Variants in TEC observed in about 807,000 individuals in gnomAD.
The protein encoded by TEC is tyrosine-protein kinase Tec.
TEC carries 72 observed loss-of-function variants against 93.0 expected under a neutral mutation model. The ratio of observed to expected loss-of-function variants is 0.77; its 90% CI spans 0.64 to 0.94. The LOEUF (loss-of-function observed/expected upper bound fraction) is 0.94. Among genes scored for constraint, TEC ranks in the 40% least tolerant of loss-of-function variants. The pLI is 0.00. For synonymous variants in TEC, 249 were observed against 247.7 expected (o/e 1.01, Z -0.05); for missense variants, 630 against 757.9 (o/e 0.83, Z 1.98).
intron 1 of TEC, among the ~76,000 whole-genome samples, chr4:48,240,154 A>G (rs1286327484): frequency 6.6e-6 from 1 of 152,156 alleles, no homozygotes; most frequent in African/African-American, 2.4e-5. Context: ...TGAGTTGATA[A>G]CTATTGAAGT....
chr4:48,221,482 C>A (rs1334180428), intron 2 of TEC, among the ~76,000 whole-genome samples: 1 of 152,176 alleles, frequency 6.6e-6, no homozygotes, highest in East Asian at 1.9e-4. Flanking sequence ...GAGGCCTCCC[C>A]AGCTATGCTG....
intron 9 of TEC, among the ~76,000 whole-genome samples, chr4:48,152,748 CAG>C (rs949804859): frequency 2.0e-5 from 3 of 152,088 alleles, no homozygotes; most frequent in African/African-American, 7.2e-5. Context: ...GTAGGGTCTC[CAG>C]AGAGTCATGG....
intron 1 of TEC, among the ~76,000 whole-genome samples, chr4:48,262,214 T>TTTTTTTTTTTTTTTA (rs1457544109): frequency 3.4e-5 from 5 of 145,086 alleles, no homozygotes; most frequent in South Asian, 2.3e-4. Context: ...TTTTTTTTTT[T>TTTTTTTTTTTTTTTA]GAGACGGAGT....
Position 48,170,497 on chromosome 4 carries a change from T to C in TEC, c.326-121A>G, listed in dbSNP as rs1721056100. On this transcript the variant is annotated intron_variant, in intron 4 of 17. Coordinates refer to ENST00000381501, the MANE Select transcript of TEC (RefSeq NM_003215.3). ...CACTATGTTTACTATAAGAACGCCC[T>C]TAGATCACAGGACTCAGCATTCAGA... The C allele has an allele frequency of 2.7e-5, 18 of 659,408 alleles. No homozygotes were observed. The South Asian group carries it at 4.9e-4, about 18-fold the overall frequency. 40.8% of individuals were successfully genotyped at this position (659,408 alleles called of 1,614,324 possible).
chr4:48,183,878 C>G (rs1434373623), intron 2 of TEC, among the ~76,000 whole-genome samples: 3 of 152,124 alleles, frequency 2.0e-5, no homozygotes, highest in African/African-American at 7.2e-5. Context: ...TCAGTTTTCA[C>G]AGTAACCCTA....
chr4:48,179,362 ATATATATATATATATTTTTTT>A (rs1395135561), intron 2 of TEC, among the ~76,000 whole-genome samples: 4 of 39,444 alleles, frequency 1.0e-4, no homozygotes, highest in South Asian at 1.4e-3. Context: ...ATATATATAT[ATATATATATATATATTTTTTT>A]TTTTTTTTTT....
At chr4:48,206,823 G>C (rs1040160712) in intron 2 of TEC, among the ~76,000 whole-genome samples, 3 of 151,578 alleles carry the variant, frequency 2.0e-5, no homozygotes, top group African/African-American at 7.3e-5. Context: ...GTTGGGCACG[G>C]TGATATGCAC....
intron 1 of TEC, among the ~76,000 whole-genome samples, chr4:48,262,583 T>A (rs1353671146): frequency 6.6e-6 from 1 of 152,146 alleles, no homozygotes; most frequent in Non-Finnish European, 1.5e-5. Context: ...GGTACTATGC[T>A]TTCCCTAGGA....
intron 8 of TEC, among the ~76,000 whole-genome samples, chr4:48,160,072 TA>T (rs1720565289): frequency 1.3e-5 from 2 of 152,216 alleles, no homozygotes; most frequent in Admixed American, 6.5e-5. Context: ...TTACATTTAT[TA>T]CCTCATTTCA....
intron 1 of TEC, among the ~76,000 whole-genome samples, chr4:48,258,359 C>G (rs1001492795): frequency 3.9e-5 from 6 of 152,118 alleles, no homozygotes; most frequent in Non-Finnish European, 2.9e-5. Flanking sequence ...CCAGGCTGGT[C>G]TCAAACTCCT....
At chr4:48,152,928 T>G (rs748806230) in intron 9 of TEC, among the ~76,000 whole-genome samples, 2 of 152,268 alleles carry the variant, frequency 1.3e-5, no homozygotes, top group East Asian at 3.9e-4. Context: ...AATAACTAAA[T>G]AGAATACTAA....
chr4:48,242,612 A>G (rs1723948194), intron 1 of TEC, among the ~76,000 whole-genome samples: 1 of 152,248 alleles, frequency 6.6e-6, no homozygotes. Flanking sequence ...TCTTGGAATC[A>G]TAAGTTAACA....
chr4:48,145,053 G>A, intron 14 of TEC, 26 bp downstream of exon 14: 1 of 1,605,844 alleles, frequency 6.2e-7, no homozygotes, highest in Non-Finnish European at 8.5e-7. Flanking sequence ...CAGCCAATGA[G>A]TGGGAATATG....
At chr4:48,153,322 G>A (rs145673421) in intron 9 of TEC, 2 of 152,228 alleles carry the variant, frequency 1.3e-5, no homozygotes, top group African/African-American at 4.8e-5. Context: ...TAAGGAAAGT[G>A]AAAGTGCAAC....
chr4:48,199,186 T>C (rs893849308), intron 2 of TEC, among the ~76,000 whole-genome samples: 1 of 152,198 alleles, frequency 6.6e-6, no homozygotes, highest in African/African-American at 2.4e-5. Flanking sequence ...CAGCATGTCC[T>C]CTCAGGAAGC....
intron 1 of TEC, among the ~76,000 whole-genome samples, chr4:48,236,837 C>G (rs1241322856): frequency 6.6e-6 from 1 of 152,180 alleles, no homozygotes; most frequent in Non-Finnish European, 1.5e-5. Context: ...CTGACTAATA[C>G]TCAGTTTCAC....
chr4:48,194,301 G>A (rs1387402531), intron 2 of TEC, among the ~76,000 whole-genome samples: 1 of 152,202 alleles, frequency 6.6e-6, no homozygotes, highest in Non-Finnish European at 1.5e-5. Flanking sequence ...GGGCACAGAG[G>A]CATGCACACA....
At chr4:48,258,183 C>T (rs528879153) in intron 1 of TEC, among the ~76,000 whole-genome samples, 7 of 148,312 alleles carry the variant, frequency 4.7e-5, no homozygotes, top group Non-Finnish European at 7.4e-5. Context: ...ACTCTGTCAC[C>T]CAAGCTGGAG....
At chr4:48,197,508 G>A (rs1722341620) in intron 2 of TEC, among the ~76,000 whole-genome samples, 4 of 152,262 alleles carry the variant, frequency 2.6e-5, no homozygotes, top group Middle Eastern at 3.4e-3. Context: ...TGCAAGAAGG[G>A]CACTGTGACC....
Sources: gnomAD v4.1 joint callset for allele counts (sites outside exome capture counted in the v4.1 genomes callset) on GRCh38, gnomAD v4.1.1 for gene constraint, MANE v1.5 for transcripts, NCBI Gene and HGNC (gene_info 2026-07-23, HGNC 2026-07-21) for gene names.